CCDC148: variants seen among roughly 807,000 people sequenced by gnomAD.
CCDC148 encodes the protein coiled-coil domain-containing protein 148.
Under a neutral mutation model 85.7 loss-of-function variants are expected in CCDC148, and 89 were observed. The observed-to-expected ratio is 1.04, with a 90% CI of 0.87 to 1.24. CCDC148 has a LOEUF of 1.24. CCDC148 is among the 50% of genes most tolerant of loss of function. CCDC148 has a pLI of 0.00. For synonymous variants in CCDC148, 230 were observed against 213.9 expected (o/e 1.08, Z -0.66); for missense variants, 692 against 671.7 (o/e 1.03, Z -0.33).
At chr2:158,238,328 T>G (rs974065155) in intron 10 of CCDC148, among the ~76,000 whole-genome samples, 28 of 151,964 alleles carry the variant, frequency 1.8e-4, no homozygotes, top group African/African-American at 6.8e-4. Context: ...TGACACGTCA[T>G]GCACTGTAAA....
At position 158,205,285 on chromosome 2, in the gene CCDC148, C is replaced by A. The variant is rs377413766; in HGVS notation, c.1370+15310G>T. 1.5e-3 allele frequency among the ~76,000 whole-genome samples: 225 copies of A among 152,168 alleles called. 5 individuals are homozygous for A. The highest frequency in any genetic ancestry group is 5.3e-3 in the African/African-American group (220 of 41,528). On this transcript the variant is annotated intron_variant, in intron 11 of 13. Coordinates refer to ENST00000283233, the MANE Select transcript of CCDC148 (RefSeq NM_138803.4). ...GAGAGGGAAGAGTCACCTTGGGCTT[C>A]TGATTGGGCAGTGAGTACATCCTGT...
intron 8 of CCDC148, among the ~76,000 whole-genome samples, chr2:158,313,160 T>C (rs1225175544): frequency 6.6e-6 from 1 of 152,238 alleles, no homozygotes; most frequent in Admixed American, 6.5e-5. Context: ...GTGTTCTTGT[T>C]GACTAAAGAA....
intron 1 of CCDC148, among the ~76,000 whole-genome samples, chr2:158,359,711 T>C (rs1326374167): frequency 2.0e-5 from 3 of 152,154 alleles, no homozygotes; most frequent in Admixed American, 6.5e-5. Context: ...TTTCCTCAAA[T>C]GCCTATGCCA....
In CCDC148 at chr2:158,366,169, C is replaced by G. The variant is rs984783405; in HGVS notation, c.26-7599G>C. The G allele has an allele frequency of 4.4e-6, 4 of 917,714 alleles. No individual in the cohort carries two copies. The Admixed American group carries it at 1.2e-4, about 27-fold the overall frequency. The allele number at this position is 917,714 out of a possible 1,614,324, so 56.8% of individuals were successfully genotyped here. A position where few individuals can be genotyped will look rare whatever the true frequency, so the allele number is the denominator to read the frequency against. On this transcript the variant is annotated intron_variant, in intron 1 of 13. Coordinates refer to ENST00000283233, the MANE Select transcript of CCDC148 (RefSeq NM_138803.4). ...CTTGAAGTATTTTTAAAAGTAAGAC[C>G]CAGGACTGGGTGCCATAATGCTTTT...
intron 7 of CCDC148, among the ~76,000 whole-genome samples, chr2:158,314,801 T>C (rs1692201973): frequency 1.3e-5 from 2 of 152,246 alleles, no homozygotes; most frequent in South Asian, 4.1e-4. Flanking sequence ...AAGAGGATAC[T>C]TGTCATTGTT....
chr2:158,296,222 T>G (rs1305309336), intron 9 of CCDC148, among the ~76,000 whole-genome samples: 3 of 152,244 alleles, frequency 2.0e-5, no homozygotes, highest in African/African-American at 7.2e-5. Context: ...TGTGGGTTTA[T>G]GATCCATTTT....
Position 158,456,517 on chromosome 2 carries a change from G to C in CCDC148, c.-78C>G, listed in dbSNP as rs901969899. Reference sequence around the variant, plus strand: ...AAACGCCCACTCCTGGGCTCTCGCCGTCAGGGGTACATCTAAGGGCTCAGC... The same window carrying C: ...AAACGCCCACTCCTGGGCTCTCGCCCTCAGGGGTACATCTAAGGGCTCAGC... On this transcript the variant is annotated 5_prime_UTR_variant, in exon 1 of 14. Transcript: ENST00000283233. 3 of 1,545,352 alleles carry C rather than the reference G, an allele frequency of 1.9e-6. No homozygotes were observed. In the African/African-American group the frequency reaches 4.1e-5, roughly 21 times the overall value.
At chr2:158,448,222 TAA>T (rs989296874) in intron 1 of CCDC148, among the ~76,000 whole-genome samples, 14 of 152,386 alleles carry the variant, frequency 9.2e-5, no homozygotes, top group African/African-American at 2.9e-4. Context: ...TTCATTGATC[TAA>T]GTGTCTATCA....
At position 158,310,271 on chromosome 2, in the gene CCDC148, CAGA is replaced by C. The variant is rs1159614252; in HGVS notation, c.904-635_904-633del. 9.8e-5 allele frequency among the ~76,000 whole-genome samples: 15 copies of C among 152,292 alleles called. No homozygotes were observed. In the East Asian group the frequency reaches 1.7e-3, roughly 18 times the overall value. ...GTTATAGATTAACAGCATCCCAAGG[CAGA>C]AGAATTTTTCTTAGTACAGAACAAA... On this transcript the variant is annotated intron_variant, in intron 8 of 13. Coordinates refer to ENST00000283233, the MANE Select transcript of CCDC148 (RefSeq NM_138803.4).
intron 9 of CCDC148, among the ~76,000 whole-genome samples, chr2:158,287,274 C>T (rs986321709): frequency 2.0e-5 from 3 of 152,096 alleles, no homozygotes; most frequent in Admixed American, 1.3e-4. Flanking sequence ...CACCCTGTCC[C>T]CTCCCAAATC....
chr2:158,296,631 G>A (rs1414431019), intron 9 of CCDC148, among the ~76,000 whole-genome samples: 1 of 152,112 alleles, frequency 6.6e-6, no homozygotes, highest in East Asian at 1.9e-4. Flanking sequence ...AACATCTTGT[G>A]ACATGTTGTT....
In CCDC148 at chr2:158,456,552, C is replaced by T; in HGVS notation, c.-113G>A. 2 of 1,344,778 alleles carry T rather than the reference C, an allele frequency of 1.5e-6. No individual in the cohort carries two copies. The highest frequency in any genetic ancestry group is 2.0e-6 in the Non-Finnish European group (2 of 989,616). The allele number at this position is 1,344,778 out of a possible 1,614,324, so 83.3% of individuals were successfully genotyped here. Reference sequence around the variant, plus strand: ...CATCTAAGGGCTCAGCTGTTCCTACCTTTGACGCCAGGGACAAACCCTACC... The same window carrying T: ...CATCTAAGGGCTCAGCTGTTCCTACTTTTGACGCCAGGGACAAACCCTACC... On this transcript the variant is annotated 5_prime_UTR_variant, in exon 1 of 14. Transcript: ENST00000283233.
At chr2:158,384,330 T>C (rs1393063950) in intron 1 of CCDC148, among the ~76,000 whole-genome samples, 2 of 152,204 alleles carry the variant, frequency 1.3e-5, no homozygotes, top group East Asian at 1.9e-4. Context: ...TCAATGGTGA[T>C]ACAGTTTGGT....
At chr2:158,316,883 T>C (rs191199453) in intron 7 of CCDC148, among the ~76,000 whole-genome samples, 104 of 152,338 alleles carry the variant, frequency 6.8e-4, no homozygotes, top group Non-Finnish European at 1.4e-3. Context: ...ACATGCACTT[T>C]GAACTTCTAA....
At chr2:158,357,068 C>G (rs1157091477) in intron 2 of CCDC148, among the ~76,000 whole-genome samples, 35 of 127,028 alleles carry the variant, frequency 2.8e-4, no homozygotes, top group African/African-American at 9.7e-4. Context: ...ATATCACACT[C>G]GGGACTGTTA....
At chr2:158,299,763 T>C (rs1445916062) in intron 9 of CCDC148, among the ~76,000 whole-genome samples, 1 of 152,094 alleles carries the variant, frequency 6.6e-6, no homozygotes, top group East Asian at 1.9e-4. Flanking sequence ...GAAACCTAAA[T>C]CCAAGTCTGC....
In CCDC148 at chr2:158,318,392, T is replaced by TA. The variant is rs926737908; in HGVS notation, c.765-4499dup. 7.9e-5 allele frequency among the ~76,000 whole-genome samples: 12 copies of TA among 151,022 alleles called. No homozygotes were observed. The South Asian group carries it at 1.0e-3, about 13-fold the overall frequency. ...GTCAAAATCCATTGAAACAAACAAT[T>TA]AAAAAAAAAGTGACCTATAGGATAA... On this transcript the variant is annotated intron_variant, in intron 7 of 13. Coordinates refer to ENST00000283233, the MANE Select transcript of CCDC148 (RefSeq NM_138803.4).
At chr2:158,268,154 T>G (rs1274714405) in intron 9 of CCDC148, among the ~76,000 whole-genome samples, 1 of 152,178 alleles carries the variant, frequency 6.6e-6, no homozygotes, top group East Asian at 1.9e-4. Flanking sequence ...TATAAAAAAC[T>G]GCCAAACTGT....
At chr2:158,228,412 G>C (rs1194966757) in intron 10 of CCDC148, among the ~76,000 whole-genome samples, 1 of 152,178 alleles carries the variant, frequency 6.6e-6, no homozygotes, top group Non-Finnish European at 1.5e-5. Context: ...ATTCCTCAGG[G>C]ATCTAGAGCT....
Sources: gnomAD v4.1 joint callset for allele counts (sites outside exome capture counted in the v4.1 genomes callset) on GRCh38, gnomAD v4.1.1 for gene constraint, MANE v1.5 for transcripts, NCBI Gene and HGNC (gene_info 2026-07-23, HGNC 2026-07-21) for gene names.